USO1: variants seen among roughly 807,000 people sequenced by gnomAD.
The protein encoded by USO1 is general vesicular transport factor p115.
Under a neutral mutation model 124.5 loss-of-function variants are expected in USO1, and 57 were observed. That is an observed-to-expected ratio of 0.46 (90% CI 0.37 to 0.57). The LOEUF is 0.57. USO1 is among the 20% of genes least tolerant of loss of function. The probability of loss-of-function intolerance (pLI) is 0.00; values close to 1 mark genes in which losing one functional copy is unlikely to be tolerated. For synonymous variants in USO1, 369 were observed against 362.8 expected, an observed-to-expected ratio of 1.02 and a Z score of -0.19; for missense variants, 900 against 1,040.6, an observed-to-expected ratio of 0.86 and a Z score of 1.86.
At chr4:75,748,524 A>G (rs555562870) in intron 1 of USO1, among the ~76,000 whole-genome samples, 157 of 152,324 alleles carry the variant, frequency 1.0e-3, no homozygotes, top group African/African-American at 3.7e-3. Flanking sequence ...TTTCTCTACC[A>G]ACATTGAACA....
intron 23 of USO1, 92 bp from the exon 24 acceptor site, chr4:75,813,114 A>G: frequency 3.0e-6 from 2 of 666,246 alleles, no homozygotes; most frequent in African/African-American, 2.0e-5. Flanking sequence ...TCCATCTCAG[A>G]AAAAAAAAAA....
At chr4:75,736,330 T>C (rs1053295451) in intron 1 of USO1, among the ~76,000 whole-genome samples, 16 of 145,790 alleles carry the variant, frequency 1.1e-4, no homozygotes, top group Non-Finnish European at 2.3e-4. Flanking sequence ...TTTTTTTTTT[T>C]TTTTTGAGGC....
intron 1 of USO1, among the ~76,000 whole-genome samples, chr4:75,735,271 T>G (rs1424831850): frequency 6.6e-6 from 1 of 152,254 alleles, no homozygotes; most frequent in East Asian, 1.9e-4. Context: ...TGCTACTGAT[T>G]TTTGTACATT....
chr4:75,795,190 A>G (rs1220737738), intron 13 of USO1: 4 of 585,528 alleles, frequency 6.8e-6, no homozygotes, highest in Middle Eastern at 4.3e-4. Context: ...TATTGTATAA[A>G]AGAAGTATCA....
intron 17 of USO1, among the ~76,000 whole-genome samples, chr4:75,802,604 A>C (rs892932625): frequency 2.0e-5 from 3 of 152,216 alleles, no homozygotes; most frequent in Non-Finnish European, 2.9e-5. Flanking sequence ...GAAAACAATT[A>C]TATGGACTAA....
chr4:75,798,476 T>G (rs1722750872), intron 13 of USO1, among the ~76,000 whole-genome samples: 1 of 152,188 alleles, frequency 6.6e-6, no homozygotes, highest in Non-Finnish European at 1.5e-5. Flanking sequence ...GAAGATATAT[T>G]GTGGGCATGG....
intron 18 of USO1, among the ~76,000 whole-genome samples, chr4:75,804,631 A>G (rs1045305986): frequency 2.0e-5 from 3 of 152,226 alleles, no homozygotes. Flanking sequence ...AGTAACTAGT[A>G]TAAGCCCACC....
chr4:75,793,074 T>G (rs960246553), intron 12 of USO1, among the ~76,000 whole-genome samples: 1 of 152,302 alleles, frequency 6.6e-6, no homozygotes, highest in Non-Finnish European at 1.5e-5. Flanking sequence ...TGTAAATGAC[T>G]AGATCTCATT....
chr4:75,758,631 C>G (rs1390203275), intron 4 of USO1, among the ~76,000 whole-genome samples: 1 of 151,792 alleles, frequency 6.6e-6, no homozygotes, highest in Non-Finnish European at 1.5e-5. Context: ...GTCTGCAATC[C>G]CAGCACTTTG....
In USO1 at chr4:75,738,456, C is replaced by CA. The variant is rs199794954; in HGVS notation, c.66+13583dup. Among the ~76,000 whole-genome samples the CA allele has an allele frequency of 6.9e-3, 989 of 143,124 alleles. 5 individuals are homozygous for CA. Among genetic ancestry groups the CA allele is most frequent in the African/African-American group, 0.024 (932 of 39,442 alleles). The allele number at this position is 143,124 out of a possible 152,430, so 93.9% of individuals were successfully genotyped here. On this transcript the variant is annotated intron_variant, in intron 1 of 23. Transcript: ENST00000514213. ...TGGATGACAGAGTGAGACTTCGTCT[C>CA]AAAAAAAAAAAATTAAGTCTTTTTT...
At chr4:75,737,637 G>A (rs1021621152) in intron 1 of USO1, among the ~76,000 whole-genome samples, 1 of 152,116 alleles carries the variant, frequency 6.6e-6, no homozygotes, top group African/African-American at 2.4e-5. Context: ...CAAGGATATA[G>A]TGAGCTATGA....
chr4:75,757,401 A>G, intron 3 of USO1, 96 bp from the exon 4 acceptor site: 1 of 1,180,426 alleles, frequency 8.5e-7, no homozygotes, highest in South Asian at 1.8e-5. Flanking sequence ...TGCCTTTAGA[A>G]ATGGAATTTT....
intron 9 of USO1, among the ~76,000 whole-genome samples, chr4:75,785,260 CAG>C (rs1264494052): frequency 2.6e-5 from 4 of 152,304 alleles, no homozygotes; most frequent in South Asian, 2.1e-4. Context: ...CTACTAAAAA[CAG>C]AATTGATCTG....
At chr4:75,744,829 A>G (rs539364880) in intron 1 of USO1, 1 of 412,838 alleles carries the variant, frequency 2.4e-6, no homozygotes, top group South Asian at 1.8e-5. Context: ...ATGAATGGAC[A>G]TTAAGATACT....
chr4:75,732,511 T>G (rs966761462), intron 1 of USO1, among the ~76,000 whole-genome samples: 7 of 152,164 alleles, frequency 4.6e-5, no homozygotes, highest in Non-Finnish European at 1.0e-4. Context: ...TTATTTTTCT[T>G]TATTTTCCCT....
At chr4:75,798,441 A>G (rs1722750020) in intron 13 of USO1, among the ~76,000 whole-genome samples, 1 of 152,150 alleles carries the variant, frequency 6.6e-6, no homozygotes, top group Non-Finnish European at 1.5e-5. Context: ...CTGGTTTTTA[A>G]CTTTCCAATT....
In USO1 at chr4:75,752,439, G is replaced by A; in HGVS notation, c.133G>A (p.Ala45Thr). The part of the protein sequence containing the change: ...LLDDRRNAVR[A>T]LKSLSKKYRL... The stretch of plus-strand genomic sequence containing the variant: ...GGATGATCGAAGAAATGCTGTTCGT[G>A]CTCTCAAATCATTATCTAAGGTTTG... The change falls in exon 2 of 24, where the codon GCT (alanine) becomes ACT (threonine). Residue 45 changes from alanine to threonine, a missense_variant. Ala to Thr is a moderately conservative substitution (Grantham distance 58). This residue lies in a region of USO1 where 538 missense variants were observed against 681.6 expected (regional missense o/e 0.79). Coordinates refer to ENST00000514213, the MANE Select transcript of USO1 (RefSeq NM_003715.4). 2.5e-6 allele frequency: 1 copy of A among 398,264 alleles called. No individual in the cohort carries two copies. The highest frequency in any genetic ancestry group is 4.4e-6 in the Non-Finnish European group (1 of 225,980). 24.7% of individuals were successfully genotyped at this position (398,264 alleles called of 1,614,324 possible). A position where few individuals can be genotyped will look rare whatever the true frequency, so the allele number is the denominator to read the frequency against.
In USO1 at chr4:75,738,465, A is replaced by C. The variant is rs1720859309; in HGVS notation, c.66+13580A>C. On this transcript the variant is annotated intron_variant, in intron 1 of 23. Transcript: ENST00000514213. ...GAGTGAGACTTCGTCTCAAAAAAAAAAAATTAAGTCTTTTTTTGTTTGTTT... is the reference window on the plus strand; with the variant it reads ...GAGTGAGACTTCGTCTCAAAAAAAACAAATTAAGTCTTTTTTTGTTTGTTT... Among the ~76,000 whole-genome samples, 3 of 152,146 alleles carry C rather than the reference A, an allele frequency of 2.0e-5. No homozygotes were observed. In the South Asian group the frequency reaches 6.2e-4, roughly 32 times the overall value.
chr4:75,732,802 C>A (rs894044899), intron 1 of USO1, among the ~76,000 whole-genome samples: 10 of 132,694 alleles, frequency 7.5e-5, no homozygotes, highest in African/African-American at 2.8e-4. Flanking sequence ...TCACTTGAAC[C>A]AGGGAGTTGG....
Sources: gnomAD v4.1 joint callset for allele counts (sites outside exome capture counted in the v4.1 genomes callset) on GRCh38, gnomAD v4.1.1 for gene constraint, gnomAD v4.1.1 regional missense constraint, MANE v1.5 for transcripts, NCBI Gene and HGNC (gene_info 2026-07-23, HGNC 2026-07-21) for gene names.